TTC21A: variants seen among roughly 807,000 people sequenced by gnomAD.
The protein encoded by TTC21A is tetratricopeptide repeat protein 21A.
In TTC21A, 128 loss-of-function variants were observed where a neutral mutation model predicts 156.4. That is an observed-to-expected ratio of 0.82 (90% CI 0.71 to 0.95). The LOEUF (loss-of-function observed/expected upper bound fraction) is 0.95, where lower values mean the gene tolerates loss of function less well. Among genes scored for constraint, TTC21A ranks in the 40% least tolerant of loss-of-function variants. The pLI is 0.00. For synonymous variants in TTC21A, 587 were observed against 617.1 expected (o/e 0.95, Z 0.72); for missense variants, 1,435 against 1,602.3 (o/e 0.90, Z 1.78).
chr3:39,135,200 G>A (rs752116351), intron 22 of TTC21A, 26 bp downstream of exon 22: 6 of 1,599,942 alleles, frequency 3.8e-6, no homozygotes, highest in Non-Finnish European at 5.1e-6. Context: ...GAGACTGCCT[G>A]TACCAGTTCC....
At position 39,110,836 on chromosome 3, in the gene TTC21A, C is replaced by T. The variant is rs76900858; in HGVS notation, c.269-15C>T. ...CATCCTAACTCTCCCTCTTCCTTCG[C>T]TCTTGGATTTACAGACCGAGAAGCA... On this transcript the variant is annotated splice_polypyrimidine_tract_variant and intron_variant, in intron 3 of 28. Transcript: ENST00000683103. 0.026 allele frequency: 41,730 copies of T among 1,613,346 alleles called. 711 individuals are homozygous for T. Among genetic ancestry groups the T allele is most frequent in the Non-Finnish European group, 0.029 (34,408 of 1,179,872 alleles).
intron 5 of TTC21A, among the ~76,000 whole-genome samples, chr3:39,113,735 C>T (rs2037028444): frequency 6.6e-6 from 1 of 152,206 alleles, no homozygotes; most frequent in South Asian, 2.1e-4. Context: ...TTCAAAATGT[C>T]AGTTTGAACA....
chr3:39,125,269 C>T, intron 10 of TTC21A, 63 bp from the exon 11 acceptor site: 1 of 1,571,838 alleles, frequency 6.4e-7, no homozygotes, highest in African/African-American at 1.4e-5. Flanking sequence ...CTTCACTTTG[C>T]CCTTGCCTAC....
At position 39,128,370 on chromosome 3, in the gene TTC21A, T is replaced by C; in HGVS notation, c.1562T>C (p.Leu521Pro). The change falls in exon 13 of 29, where the codon CTG becomes CCG. Residue 521 changes from leucine (L) to proline (P), a missense_variant. Leu to Pro is a moderately conservative substitution (Grantham distance 98). Coordinates refer to ENST00000683103, the MANE Select transcript of TTC21A (RefSeq NM_001366900.1). ...GCCCAGAGCATCCTGCAGCGTTGCCTGGAGCTGGACCCCGCCTCCGTGGAT... is the reference window on the plus strand; with the variant it reads ...GCCCAGAGCATCCTGCAGCGTTGCCCGGAGCTGGACCCCGCCTCCGTGGAT... Reference protein sequence around the residue: ...ENAQSILQRCLELDPASVDAH... With the variant: ...ENAQSILQRCPELDPASVDAH... 1 of 1,614,222 alleles carries C rather than the reference T, an allele frequency of 6.2e-7. No homozygotes were observed.
chr3:39,137,844 G>C lies in TTC21A; in HGVS notation c.3675+134G>C, dbSNP rs1367146968. On this transcript the variant is annotated intron_variant, in intron 26 of 28. Coordinates refer to ENST00000683103, the MANE Select transcript of TTC21A (RefSeq NM_001366900.1). ...GTCGGGAAGAGGCAGGCTGAGAGGG[G>C]CACATGGGCGACAGACCAGAATAGG... The C allele has an allele frequency of 3.2e-6, 3 of 937,150 alleles. No individual in the cohort carries two copies. The African/African-American group carries it at 4.9e-5, about 15-fold the overall frequency. 58.1% of individuals were successfully genotyped at this position (937,150 alleles called of 1,614,324 possible).
chr3:39,128,784 A>G lies in TTC21A; in HGVS notation c.1748A>G (p.Glu583Gly). The G allele has an allele frequency of 1.2e-6, 2 of 1,614,194 alleles. No individual in the cohort carries two copies. Among genetic ancestry groups the G allele is most frequent in the Non-Finnish European group, 1.7e-6 (2 of 1,180,032 alleles). ...RALNKAGDYP[E>G]AIKTLKMVIK... ...CTCAACAAGGCTGGAGACTATCCAGAGGCCATAAAGACGCTGAAAATGGTC... is the reference window on the plus strand; with the variant it reads ...CTCAACAAGGCTGGAGACTATCCAGGGGCCATAAAGACGCTGAAAATGGTC... Residue 583 changes from glutamate (E) to glycine (G), a missense_variant, in exon 14 of 29, where the codon GAG (glutamate) becomes GGG (glycine). Coordinates refer to ENST00000683103, the MANE Select transcript of TTC21A (RefSeq NM_001366900.1).
chr3:39,133,261 G>A, intron 20 of TTC21A, 21 bp downstream of exon 20: 1 of 1,607,848 alleles, frequency 6.2e-7, no homozygotes. Context: ...CTCAAAGCAA[G>A]AGGCTGCTTT....
chr3:39,136,844 GC>G lies in TTC21A; in HGVS notation c.3096-52del, dbSNP rs1458379688. 3 of 1,599,108 alleles carry G rather than the reference GC, an allele frequency of 1.9e-6. No homozygotes were observed. In the African/African-American group the frequency reaches 4.0e-5, roughly 21 times the overall value. On this transcript the variant is annotated intron_variant, in intron 23 of 28. Transcript: ENST00000683103. ...CACAAAGTGGTCCTTGTATATCCCT[GC>G]CCTGTCTGGGCCTCAGTTTCCCTCA...
intron 3 of TTC21A, 47 bp from the exon 4 acceptor site, chr3:39,110,804 A>G (rs942529714): frequency 6.2e-7 from 1 of 1,609,626 alleles, no homozygotes; most frequent in African/African-American, 1.3e-5. Flanking sequence ...AACCAGGCAG[A>G]CTTCCACATC....
rs1014810396 is a variant in TTC21A at position 39,107,710 on chromosome 3, C to T, written c.-128C>T. The stretch of plus-strand genomic sequence containing the variant: ...CTGGACGCTCCTAGCAACCGGCTAG[C>T]AGCTCGGTTTCCAAGGACTGTAACG... On this transcript the variant is annotated 5_prime_UTR_variant, in exon 1 of 29. Coordinates refer to ENST00000683103, the MANE Select transcript of TTC21A (RefSeq NM_001366900.1). The T allele has an allele frequency of 7.8e-6, 11 of 1,405,412 alleles. No homozygotes were observed. In the African/African-American group the frequency reaches 1.6e-4, roughly 20 times the overall value. The allele number at this position is 1,405,412 out of a possible 1,614,324, so 87.1% of individuals were successfully genotyped here. A position where few individuals can be genotyped will look rare whatever the true frequency, so the allele number is the denominator to read the frequency against.
chr3:39,131,131 A>C, intron 19 of TTC21A, 36 bp downstream of exon 19: 1 of 1,532,656 alleles, frequency 6.5e-7, no homozygotes, highest in African/African-American at 1.4e-5. Context: ...TTTATCTGCC[A>C]TCTGCTGATG....
chr3:39,125,594 T>C (rs1374954741), intron 11 of TTC21A, 62 bp downstream of exon 11: 6 of 1,244,950 alleles, frequency 4.8e-6, no homozygotes, highest in South Asian at 2.4e-5. Context: ...GGTGCCCACC[T>C]GAAGGACAGA....
In TTC21A at chr3:39,120,021, G is replaced by T; in HGVS notation, c.900+1G>T. 1 of 1,589,072 alleles carries T rather than the reference G, an allele frequency of 6.3e-7. No individual in the cohort carries two copies. The highest frequency in any genetic ancestry group is 8.6e-7 in the Non-Finnish European group (1 of 1,158,682). Reference sequence around the variant, plus strand: ...AAAAATTATTGTGGTTAGCCGACTGGTAAGAAGGTTCTTTCCTGGTTCTGA... The same window carrying T: ...AAAAATTATTGTGGTTAGCCGACTGTTAAGAAGGTTCTTTCCTGGTTCTGA... On this transcript the variant is annotated splice_donor_variant, in intron 8 of 28. Coordinates refer to ENST00000683103, the MANE Select transcript of TTC21A (RefSeq NM_001366900.1). LOFTEE classifies it high-confidence loss of function.
rs1316091814 is a variant in TTC21A, at chr3:39,134,301, T to C, written c.2835T>C (p.Thr945=). The C allele has an allele frequency of 1.2e-6, 2 of 1,613,978 alleles. No individual in the cohort carries two copies. Among genetic ancestry groups the C allele is most frequent in the African/African-American group, 2.7e-5 (2 of 75,028 alleles). The change falls in exon 21 of 29, where the codon ACT becomes ACC. Residue 945 remains threonine (T), a synonymous_variant. Coordinates refer to ENST00000683103, the MANE Select transcript of TTC21A (RefSeq NM_001366900.1). This position sits in a 1 kb window ranked among gnomAD's most constrained non-coding sequence, Gnocchi z 4.6. The part of the protein sequence containing the change: ...CEQHCAILLQ[T]EQNHETASVL... ...AGCACTGTGCCATCCTCCTGCAGAC[T>C]GAGCAGAACCATGAGACCGCTTCTG...
rs749645138 is a variant in TTC21A, at chr3:39,114,711, G to GA, written c.686dup (p.Asp229GlufsTer17). On this transcript the variant is annotated frameshift_variant, in exon 6 of 29. Coordinates refer to ENST00000683103, the MANE Select transcript of TTC21A (RefSeq NM_001366900.1). LOFTEE classifies it high-confidence loss of function. The stretch of plus-strand genomic sequence containing the variant: ...GATGCAGCTGTTCTTAGCTCGGCAG[G>GA]ACTGGGAGCAGACAGTAGAAATGGG... The GA allele has an allele frequency of 6.2e-7, 1 of 1,614,242 alleles. No individual in the cohort carries two copies. The highest frequency in any genetic ancestry group is 1.3e-5 in the African/African-American group (1 of 75,044).
At chr3:39,122,107 G>A (rs546945452) in intron 9 of TTC21A, among the ~76,000 whole-genome samples, 18 of 152,218 alleles carry the variant, frequency 1.2e-4, no homozygotes, top group Admixed American at 3.3e-4. Flanking sequence ...TCAGGAATTC[G>A]AGACCAGCCT....
chr3:39,130,188 C>T lies in TTC21A; in HGVS notation c.2208+37C>T. 1 of 1,612,434 alleles carries T rather than the reference C, an allele frequency of 6.2e-7. No individual in the cohort carries two copies. The highest frequency in any genetic ancestry group is 8.5e-7 in the Non-Finnish European group (1 of 1,179,062). On this transcript the variant is annotated intron_variant, in intron 16 of 28. Transcript: ENST00000683103. The surrounding 1 kb of genome is among the most constrained non-coding windows in gnomAD (Gnocchi z 4.5). ...GCCTCACAGCCTTGCCAAGTGGCCC[C>T]CCAGTCTCCCTTCTCCAGTGGGAGA...
intron 12 of TTC21A, 56 bp downstream of exon 12, chr3:39,126,446 T>A (rs760116965): frequency 1.3e-6 from 2 of 1,587,558 alleles, no homozygotes; most frequent in Non-Finnish European, 1.7e-6. Context: ...GATGTAGCTT[T>A]GTGTCTGCAG....
chr3:39,119,917 T>G lies in TTC21A; in HGVS notation c.802-5T>G. On this transcript the variant is annotated splice_region_variant and splice_polypyrimidine_tract_variant and intron_variant, in intron 7 of 28. Coordinates refer to ENST00000683103, the MANE Select transcript of TTC21A (RefSeq NM_001366900.1). ...ATGTTGACATTCTCTGTTTTGTCCCTGCAGGCTACCAATCACGTTAGAAAT... is the reference window on the plus strand; with the variant it reads ...ATGTTGACATTCTCTGTTTTGTCCCGGCAGGCTACCAATCACGTTAGAAAT... 6.3e-7 allele frequency: 1 copy of G among 1,596,778 alleles called. No homozygotes were observed. The highest frequency in any genetic ancestry group is 1.1e-5 in the South Asian group (1 of 90,600).
Sources: gnomAD v4.1 joint callset for allele counts (sites outside exome capture counted in the v4.1 genomes callset) on GRCh38, gnomAD v4.1.1 for gene constraint, Gnocchi (gnomAD v3.1) non-coding constraint, MANE v1.5 for transcripts, NCBI Gene and HGNC (gene_info 2026-07-23, HGNC 2026-07-21) for gene names.